Variants in TULP4 observed in about 807,000 individuals in gnomAD.
The protein encoded by TULP4 is TUB like protein 4, also known as tubby-related protein 4.
TULP4 carries 16 observed loss-of-function variants against 129.0 expected under a neutral mutation model. The ratio of observed to expected loss-of-function variants is 0.12; its 90% CI spans 0.08 to 0.19. TULP4 has a LOEUF of 0.19. TULP4 is among the 10% of genes least tolerant of loss of function. The pLI, the probability that TULP4 is intolerant of heterozygous loss-of-function variation, is 1.00. For missense variants in TULP4, 1,842 were observed against 2,059.1 expected (o/e 0.89, Z 2.04); for synonymous variants, 998 against 854.0 (o/e 1.17, Z -2.94).
intron 1 of TULP4, among the ~76,000 whole-genome samples, chr6:158,395,892 G>C (rs1562549237): frequency 3.3e-5 from 5 of 151,928 alleles, no homozygotes; most frequent in Non-Finnish European, 1.5e-5. Flanking sequence ...TTTTATGCTG[G>C]ATTTTGCTAT....
At chr6:158,241,926 C>G in intron 1 of TULP4, 1 of 799,248 alleles carries the variant, frequency 1.3e-6, no homozygotes, top group Non-Finnish European at 2.3e-6. Flanking sequence ...GTAGTTGTTT[C>G]TTGGAAAGCT....
At chr6:158,393,563 A>G (rs951435794) in intron 1 of TULP4, among the ~76,000 whole-genome samples, 6 of 152,184 alleles carry the variant, frequency 3.9e-5, no homozygotes, top group African/African-American at 1.4e-4. Flanking sequence ...GACCTCAACT[A>G]TTGCCTTCTG....
intron 1 of TULP4, among the ~76,000 whole-genome samples, chr6:158,386,162 G>T (rs1292697172): frequency 1.3e-5 from 2 of 151,840 alleles, no homozygotes; most frequent in Non-Finnish European, 2.9e-5. Flanking sequence ...ATAATATCTT[G>T]ATTTTAAAGA....
chr6:158,403,449 C>T (rs1583839729), intron 1 of TULP4, among the ~76,000 whole-genome samples: 2 of 152,192 alleles, frequency 1.3e-5, no homozygotes, highest in East Asian at 1.9e-4. Flanking sequence ...AAGCGATTCT[C>T]CTGCCTTAGC....
intron 1 of TULP4, among the ~76,000 whole-genome samples, chr6:158,326,801 T>C (rs926313827): frequency 3.3e-5 from 5 of 152,200 alleles, no homozygotes; most frequent in African/African-American, 1.2e-4. Context: ...TATTATCTAA[T>C]TTATCTTTAT....
At chr6:158,504,261 G>A in intron 13 of TULP4, 83 bp downstream of exon 13, 10 of 1,144,248 alleles carry the variant, frequency 8.7e-6, no homozygotes, top group Non-Finnish European at 1.2e-5. Flanking sequence ...TTTTTCAAAA[G>A]GCCAAATGGG....
intron 1 of TULP4, among the ~76,000 whole-genome samples, chr6:158,349,711 GAT>G (rs1292241519): frequency 1.9e-4 from 26 of 135,254 alleles, no homozygotes; most frequent in South Asian, 5.2e-4. Context: ...CTTCCCAGAC[GAT>G]GGGCGGCCGG....
chr6:158,348,906 CGA>C (rs1364920489), intron 1 of TULP4, among the ~76,000 whole-genome samples: 14 of 73,802 alleles, frequency 1.9e-4, no homozygotes, highest in South Asian at 5.0e-4. Context: ...ACCTCCCAGA[CGA>C]AGGGCGGCCG....
chr6:158,234,138 G>C (rs1180855621), intron 1 of TULP4, among the ~76,000 whole-genome samples: 1 of 152,210 alleles, frequency 6.6e-6, no homozygotes, highest in Admixed American at 6.5e-5. Flanking sequence ...TCTTCATTTA[G>C]AAAGAGTTTG....
In TULP4 at chr6:158,503,975, G is replaced by T. The variant is rs1780536608; in HGVS notation, c.4312G>T (p.Ala1438Ser). 6.2e-7 allele frequency: 1 copy of T among 1,612,786 alleles called. No homozygotes were observed. The highest frequency in any genetic ancestry group is 8.5e-7 in the Non-Finnish European group (1 of 1,179,562). Reference sequence around the variant, plus strand: ...CTGGAAAAGCAAGCGCTCCCCACGGGCCGCCGGCGAGCTGGAGGAGGCCAA... The same window carrying T: ...CTGGAAAAGCAAGCGCTCCCCACGGTCCGCCGGCGAGCTGGAGGAGGCCAA... ...KGWKSKRSPR[A>S]AGELEEAKCR... Residue 1438 changes from alanine (A) to serine (S), a missense_variant, in exon 13 of 14, where the codon GCC (alanine) becomes TCC (serine). Physicochemically the swap from Ala to Ser is moderately conservative, Grantham distance 99. This residue lies in a region of TULP4 where 1,089 missense variants were observed against 987.1 expected (regional missense o/e 1.10). Coordinates refer to ENST00000367097, the MANE Select transcript of TULP4 (RefSeq NM_020245.5). This position sits in a 1 kb window ranked among gnomAD's most constrained non-coding sequence, Gnocchi z 4.3.
At chr6:158,480,078 C>T (rs1779905239) in intron 7 of TULP4, 103 bp downstream of exon 7, 6 of 872,282 alleles carry the variant, frequency 6.9e-6, no homozygotes, top group Non-Finnish European at 1.1e-5. Context: ...GCACATGGGG[C>T]CATGTGCAGC....
At chr6:158,285,393 T>G (rs542743238) in intron 1 of TULP4, among the ~76,000 whole-genome samples, 9 of 152,082 alleles carry the variant, frequency 5.9e-5, no homozygotes, top group Admixed American at 2.0e-4. Flanking sequence ...CAAAAAGTCA[T>G]TATGCGAGAG....
intron 7 of TULP4, 104 bp from the exon 8 acceptor site, chr6:158,480,951 G>T (rs200099561): frequency 2.9e-6 from 3 of 1,022,518 alleles, no homozygotes; most frequent in Non-Finnish European, 4.3e-6. Context: ...GCTCTGTCTG[G>T]AACAGTAGCG....
intron 1 of TULP4, among the ~76,000 whole-genome samples, chr6:158,393,060 T>C (rs967745699): frequency 6.6e-6 from 1 of 151,478 alleles, no homozygotes; most frequent in African/African-American, 2.4e-5. Flanking sequence ...GGGTAAATGC[T>C]CTTGATCCAA....
intron 1 of TULP4, among the ~76,000 whole-genome samples, chr6:158,404,295 T>C (rs957060641): frequency 1.3e-5 from 2 of 152,200 alleles, no homozygotes; most frequent in Admixed American, 1.3e-4. Flanking sequence ...CATAGCCCTT[T>C]CATAAGTATT....
intron 1 of TULP4, among the ~76,000 whole-genome samples, chr6:158,256,766 T>G (rs1778252277): frequency 6.6e-6 from 1 of 152,144 alleles, no homozygotes; most frequent in Non-Finnish European, 1.5e-5. Context: ...CGTGATGTCG[T>G]CCCTCCCTAT....
intron 1 of TULP4, among the ~76,000 whole-genome samples, chr6:158,364,954 C>A (rs1182054871): frequency 4.6e-5 from 7 of 152,038 alleles, no homozygotes; most frequent in Non-Finnish European, 4.4e-5. Flanking sequence ...TCAGGATGGT[C>A]TCGATCTCCT....
At chr6:158,311,545 C>T (rs1462641752), upstream of TULP4, among the ~76,000 whole-genome samples, 2 of 152,140 alleles carry the variant, frequency 1.3e-5, no homozygotes, top group Admixed American at 1.3e-4. Context: ...CGCTTTGCTC[C>T]GAGACCTGCC....
At chr6:158,315,162 G>A (rs1420055545) in intron 1 of TULP4, among the ~76,000 whole-genome samples, 2 of 152,114 alleles carry the variant, frequency 1.3e-5, no homozygotes, top group African/African-American at 4.8e-5. Flanking sequence ...TCAAGTATAG[G>A]TCTTAGTCCA....
Sources: gnomAD v4.1 joint callset for allele counts (sites outside exome capture counted in the v4.1 genomes callset) on GRCh38, gnomAD v4.1.1 for gene constraint, gnomAD v4.1.1 regional missense constraint, Gnocchi (gnomAD v3.1) non-coding constraint, MANE v1.5 for transcripts, NCBI Gene and HGNC (gene_info 2026-07-23, HGNC 2026-07-21) for gene names.